The following AGBL1 variants were observed in gnomAD, a reference collection of about 807,000 sequenced individuals.
The protein encoded by AGBL1 is cytosolic carboxypeptidase 4.
Under a neutral mutation model 118.9 loss-of-function variants are expected in AGBL1, and 130 were observed. The observed-to-expected ratio is 1.09, with a 90% confidence interval of 0.95 to 1.26. The LOEUF (loss-of-function observed/expected upper bound fraction) is 1.26, where lower values mean the gene tolerates loss of function less well. AGBL1 is among the 50% of genes most tolerant of loss of function. The probability of loss-of-function intolerance (pLI) is 0.00; values close to 1 mark genes in which losing one functional copy is unlikely to be tolerated. For missense variants in AGBL1, 1,584 were observed against 1,298.1 expected (o/e 1.22, Z -3.38); for synonymous variants, 555 against 478.9 (o/e 1.16, Z -2.08).
chr15:86,728,183 G>T (rs920960745), intron 22 of AGBL1, among the ~76,000 whole-genome samples: 1 of 152,168 alleles, frequency 6.6e-6, no homozygotes, highest in Non-Finnish European at 1.5e-5. Flanking sequence ...TGATAAGTGA[G>T]GTCCAGCAAA....
chr15:86,101,354 T>C (rs1238364689), intron 1 of AGBL1, among the ~76,000 whole-genome samples: 1 of 152,162 alleles, frequency 6.6e-6, no homozygotes, highest in Non-Finnish European at 1.5e-5. Flanking sequence ...AAATGGTCTG[T>C]AAATGTCTGT....
intron 17 of AGBL1, among the ~76,000 whole-genome samples, chr15:86,391,185 A>G (rs1193801569): frequency 6.6e-6 from 1 of 152,150 alleles, no homozygotes; most frequent in Non-Finnish European, 1.5e-5. Flanking sequence ...TTGACTTGTA[A>G]CATAAAATTG....
chr15:86,950,649 G>T (rs2080870788), intron 23 of AGBL1, among the ~76,000 whole-genome samples: 2 of 151,804 alleles, frequency 1.3e-5, no homozygotes, highest in South Asian at 4.1e-4. Context: ...TGGAAAGTCA[G>T]AGTGAAATGT....
At chr15:86,454,786 T>A (rs991218277) in intron 18 of AGBL1, among the ~76,000 whole-genome samples, 1 of 152,126 alleles carries the variant, frequency 6.6e-6, no homozygotes, top group Non-Finnish European at 1.5e-5. Flanking sequence ...GATAAAAAAT[T>A]TTATATCTTG....
At chr15:86,433,605 C>T (rs2081966725) in intron 18 of AGBL1, among the ~76,000 whole-genome samples, 1 of 152,024 alleles carries the variant, frequency 6.6e-6, no homozygotes, top group Non-Finnish European at 1.5e-5. Flanking sequence ...CTTTTAAAGC[C>T]CAGTAGGGAT....
chr15:86,938,017 G>A (rs181978829), intron 23 of AGBL1, among the ~76,000 whole-genome samples: 1 of 152,210 alleles, frequency 6.6e-6, no homozygotes, highest in East Asian at 1.9e-4. Context: ...AATACAGTTG[G>A]TTGCCCATCA....
chr15:86,369,453 G>A (rs894825041), intron 17 of AGBL1, among the ~76,000 whole-genome samples: 1 of 152,060 alleles, frequency 6.6e-6, no homozygotes, highest in South Asian at 2.1e-4. Context: ...AATAGATAAA[G>A]AGTAGAATAT....
chr15:86,111,361 C>T (rs1897369527), intron 1 of AGBL1, among the ~76,000 whole-genome samples: 1 of 152,186 alleles, frequency 6.6e-6, no homozygotes, highest in African/African-American at 2.4e-5. Context: ...GTATGTGTGT[C>T]TGTTACGTAG....
chr15:86,402,687 T>C (rs148097331), intron 18 of AGBL1, among the ~76,000 whole-genome samples: 3 of 152,276 alleles, frequency 2.0e-5, no homozygotes, highest in Non-Finnish European at 4.4e-5. Context: ...CAATAATGAA[T>C]AAAAGCAGAC....
chr15:86,728,571 C>T (rs2086853430), intron 22 of AGBL1, among the ~76,000 whole-genome samples: 1 of 151,884 alleles, frequency 6.6e-6, no homozygotes, highest in African/African-American at 2.4e-5. Flanking sequence ...AAGCCTGGGG[C>T]TAAATAAAAA....
chr15:86,784,333 G>T (rs568401640), intron 22 of AGBL1, among the ~76,000 whole-genome samples: 10 of 152,250 alleles, frequency 6.6e-5, no homozygotes, highest in Admixed American at 2.0e-4. Context: ...TTTGTGAACT[G>T]GTCGAATGAA....
intron 24 of AGBL1, among the ~76,000 whole-genome samples, chr15:86,994,563 A>G (rs1323494422): frequency 6.6e-6 from 1 of 152,250 alleles, no homozygotes; most frequent in Non-Finnish European, 1.5e-5. Flanking sequence ...ATGATTTTAC[A>G]GATTTCCCAG....
At chr15:86,518,263 G>A (rs1379209904) in intron 18 of AGBL1, among the ~76,000 whole-genome samples, 1 of 151,960 alleles carries the variant, frequency 6.6e-6, no homozygotes, top group Non-Finnish European at 1.5e-5. Context: ...AGTTGTTAAA[G>A]CCCGCGGTTA....
intron 17 of AGBL1, among the ~76,000 whole-genome samples, chr15:86,383,013 T>C (rs561892067): frequency 7.0e-4 from 106 of 152,072 alleles, no homozygotes; most frequent in Non-Finnish European, 1.1e-3. Flanking sequence ...ACAGCTCTGC[T>C]CTGGTGTCAG....
At chr15:86,232,595 G>A (rs1263759094) in intron 6 of AGBL1, among the ~76,000 whole-genome samples, 1 of 152,178 alleles carries the variant, frequency 6.6e-6, no homozygotes, top group Non-Finnish European at 1.5e-5. Context: ...GGTGGGAACA[G>A]CCGATGGAAT....
intron 22 of AGBL1, among the ~76,000 whole-genome samples, chr15:86,676,076 A>G (rs2085841225): frequency 6.6e-6 from 1 of 152,174 alleles, no homozygotes; most frequent in Non-Finnish European, 1.5e-5. Context: ...TTTCAATTGC[A>G]TCCTGACCAA....
intron 7 of AGBL1, among the ~76,000 whole-genome samples, chr15:86,255,784 AAAAAG>A: frequency 6.6e-6 from 1 of 152,226 alleles, no homozygotes; most frequent in East Asian, 1.9e-4. Flanking sequence ...TGTCTAAAAA[AAAAAG>A]AAAGTTGACT....
chr15:86,486,437 A>G (rs943312404), intron 18 of AGBL1, among the ~76,000 whole-genome samples: 2 of 152,130 alleles, frequency 1.3e-5, no homozygotes, highest in Admixed American at 6.6e-5. Flanking sequence ...TTTGTGAATC[A>G]CATCACTACA....
chr15:86,948,826 G>T (rs1037273216), intron 23 of AGBL1, among the ~76,000 whole-genome samples: 1 of 152,246 alleles, frequency 6.6e-6, no homozygotes, highest in African/African-American at 2.4e-5. Flanking sequence ...GAGATGTCAA[G>T]AATGTTTAAT....
Sources: gnomAD v4.1 joint callset for allele counts (sites outside exome capture counted in the v4.1 genomes callset) on GRCh38, gnomAD v4.1.1 for gene constraint, MANE v1.5 for transcripts, NCBI Gene and HGNC (gene_info 2026-07-23, HGNC 2026-07-21) for gene names.